The following CYFIP1 variants were observed in gnomAD, a reference collection of about 807,000 sequenced individuals.
CYFIP1 encodes cytoplasmic FMR1-interacting protein 1.
CYFIP1 carries 58 observed loss-of-function variants against 163.5 expected under a neutral mutation model. The ratio of observed to expected loss-of-function variants is 0.35; its 90% CI spans 0.29 to 0.44. The LOEUF is 0.44. Ranked by LOEUF, CYFIP1 falls within the 20% of genes least tolerant of loss-of-function variation. CYFIP1 has a pLI of 1.00. For missense variants in CYFIP1, 1,338 were observed against 1,653.8 expected (o/e 0.81, Z 3.31); for synonymous variants, 663 against 660.7 (o/e 1.00, Z -0.05).
Position 22,910,796 on chromosome 15 carries a change from G to C in CYFIP1, c.2100C>G (p.Asp700Glu), listed in dbSNP as rs1226067773. Residue 700 changes from aspartate to glutamate, a missense_variant, in exon 19 of 31, where the codon GAC becomes GAG. Physicochemically the swap from Asp to Glu is conservative, Grantham distance 45 (BLOSUM62 2). This residue lies in a region of CYFIP1 where 824 missense variants were observed against 995.7 expected (regional missense o/e 0.83). Coordinates refer to ENST00000617928, the MANE Select transcript of CYFIP1 (RefSeq NM_014608.6). Reference sequence around the variant, plus strand: ...GGTCTGCTAGCTTGTAAACAAATTGGTCAAAACATAGATTCACCTGAAGAA... The same window carrying C: ...GGTCTGCTAGCTTGTAAACAAATTGCTCAAAACATAGATTCACCTGAAGAA... Reference protein sequence around the residue: ...EIEAEVNLCFDQFVYKLADQI... With the variant: ...EIEAEVNLCFEQFVYKLADQI... 1 of 1,613,784 alleles carries C rather than the reference G, an allele frequency of 6.2e-7. No individual in the cohort carries two copies. Among genetic ancestry groups the C allele is most frequent in the Non-Finnish European group, 8.5e-7 (1 of 1,179,746 alleles).
At chr15:22,977,136 T>C (rs551364808) in intron 1 of CYFIP1, among the ~76,000 whole-genome samples, 1 of 151,640 alleles carries the variant, frequency 6.6e-6, no homozygotes, top group African/African-American at 2.4e-5. Context: ...GAGGCAGAGG[T>C]TGCGGTGGGC....
chr15:22,917,038 G>T lies in CYFIP1; in HGVS notation c.1675-408C>A. On this transcript the variant is annotated intron_variant, in intron 15 of 30. Coordinates refer to ENST00000617928, the MANE Select transcript of CYFIP1 (RefSeq NM_014608.6). The surrounding 1 kb of genome is among the most constrained non-coding windows in gnomAD (Gnocchi z 4.2). ...GTGCGCACCAGGTAGAGCTAGACAC[G>T]GACAGACAGGAGGGAGAGGCAGGAG... 6.5e-7 allele frequency: 1 copy of T among 1,531,042 alleles called. No homozygotes were observed. The highest frequency in any genetic ancestry group is 8.8e-7 in the Non-Finnish European group (1 of 1,137,332). The allele number at this position is 1,531,042 out of a possible 1,614,324, so 94.8% of individuals were successfully genotyped here. A position where few individuals can be genotyped will look rare whatever the true frequency, so the allele number is the denominator to read the frequency against.
chr15:22,881,705 T>TC, intron 25 of CYFIP1, 141 bp downstream of exon 25: 1 of 762,248 alleles, frequency 1.3e-6, no homozygotes, highest in East Asian at 2.7e-5. Flanking sequence ...CCAACACACC[T>TC]CTTCCTGGTT....
intron 6 of CYFIP1, among the ~76,000 whole-genome samples, chr15:22,940,588 G>T (rs551897070): frequency 6.6e-6 from 1 of 152,342 alleles, no homozygotes; most frequent in Non-Finnish European, 1.5e-5. Flanking sequence ...GTCCCGTAGA[G>T]CCTCGATCAG....
intron 30 of CYFIP1, among the ~76,000 whole-genome samples, chr15:22,871,104 G>A (rs999130061): frequency 3.3e-5 from 5 of 152,054 alleles, no homozygotes; most frequent in East Asian, 1.9e-4. Context: ...CGGCTAAAGC[G>A]GCCCTGAGTT....
chr15:22,955,739 C>T (rs1044974214), intron 1 of CYFIP1, among the ~76,000 whole-genome samples: 4 of 152,194 alleles, frequency 2.6e-5, no homozygotes, highest in East Asian at 1.9e-4. Context: ...TGCAAGCTCA[C>T]GGGCTCAGGG....
chr15:22,968,850 G>A (rs1267995045), intron 1 of CYFIP1, among the ~76,000 whole-genome samples: 4 of 152,186 alleles, frequency 2.6e-5, no homozygotes, highest in Non-Finnish European at 5.9e-5. Flanking sequence ...CACTGGTTTC[G>A]TGGAGACTGG....
intron 1 of CYFIP1, among the ~76,000 whole-genome samples, chr15:22,960,824 A>T (rs117399356): frequency 6.6e-6 from 1 of 152,118 alleles, no homozygotes; most frequent in African/African-American, 2.4e-5. Flanking sequence ...ACATCCCAGG[A>T]GGTTTCTTAG....
intron 1 of CYFIP1, among the ~76,000 whole-genome samples, chr15:22,951,944 G>T (rs1251047638): frequency 2.0e-5 from 3 of 152,174 alleles, no homozygotes; most frequent in Non-Finnish European, 2.9e-5. Flanking sequence ...AACGCAGCTT[G>T]TTGAACCCAT....
intron 11 of CYFIP1, among the ~76,000 whole-genome samples, chr15:22,928,818 A>G (rs192335661): frequency 2.6e-5 from 4 of 152,290 alleles, no homozygotes; most frequent in Admixed American, 1.3e-4. Context: ...TGCAATGCCT[A>G]GAAGTCAAAA....
At chr15:22,875,311 C>A (rs907103374) in intron 26 of CYFIP1, 40 bp from the exon 27 acceptor site, 1 of 1,578,870 alleles carries the variant, frequency 6.3e-7, no homozygotes, top group Non-Finnish European at 8.7e-7. Context: ...GGAAGGGTAT[C>A]TCGCCAGAGA....
intron 1 of CYFIP1, among the ~76,000 whole-genome samples, chr15:22,974,868 G>A (rs1239564806): frequency 2.0e-5 from 3 of 152,068 alleles, no homozygotes; most frequent in African/African-American, 4.8e-5. Context: ...ACTTTTTCCA[G>A]TAAAAGTTAC....
chr15:22,958,710 A>T (rs1266520211), intron 1 of CYFIP1, among the ~76,000 whole-genome samples: 18 of 151,780 alleles, frequency 1.2e-4, no homozygotes, highest in Admixed American at 1.2e-3. Flanking sequence ...CCAAACCTGC[A>T]CTCACCTCTG....
At chr15:22,898,152 C>T (rs147882326) in intron 22 of CYFIP1, among the ~76,000 whole-genome samples, 8 of 152,274 alleles carry the variant, frequency 5.3e-5, no homozygotes, top group Admixed American at 3.3e-4. Context: ...GCAAAAGGTC[C>T]GAGTCTGAAA....
chr15:22,975,170 T>C (rs1190595974), intron 1 of CYFIP1, among the ~76,000 whole-genome samples: 1 of 152,176 alleles, frequency 6.6e-6, no homozygotes, highest in Non-Finnish European at 1.5e-5. Flanking sequence ...ATCAACTGTT[T>C]ATGTTATCAG....
chr15:22,909,261 G>T lies in CYFIP1; in HGVS notation c.2321C>A (p.Ala774Glu). Residue 774 changes from alanine to glutamate, a missense_variant, in exon 21 of 31, where the codon GCA becomes GAA. Physicochemically the swap from Ala to Glu is moderately radical, Grantham distance 107 (BLOSUM62 -1). Around this residue, in one of 4 missense-constraint regions of CYFIP1, gnomAD observed 824 missense variants for 995.7 expected, o/e 0.83. Coordinates refer to ENST00000617928, the MANE Select transcript of CYFIP1 (RefSeq NM_014608.6). ...LNRLITQRVS[A>E]AMYKSLELAI... ...CAGTTCTAGGGACTTATACATGGCTGCTGAGACGCGCTGGGTGATCAGACG... is the reference window on the plus strand; with the variant it reads ...CAGTTCTAGGGACTTATACATGGCTTCTGAGACGCGCTGGGTGATCAGACG... 1 of 1,614,158 alleles carries T rather than the reference G, an allele frequency of 6.2e-7. No individual in the cohort carries two copies. The highest frequency in any genetic ancestry group is 1.1e-5 in the South Asian group (1 of 91,086).
intron 23 of CYFIP1, among the ~76,000 whole-genome samples, chr15:22,890,190 T>TAA (rs1433645266): frequency 1.9e-4 from 28 of 151,190 alleles, no homozygotes; most frequent in African/African-American, 6.8e-4. Context: ...CAGGCGCCTT[T>TAA]AATCCCAGCT....
At chr15:22,898,746 G>A (rs1454473137) in intron 22 of CYFIP1, among the ~76,000 whole-genome samples, 4 of 152,066 alleles carry the variant, frequency 2.6e-5, no homozygotes, top group African/African-American at 7.2e-5. Context: ...GCTCATGCCT[G>A]TAATCCCAGC....
At chr15:22,879,413 AAG>A (rs2059685246) in intron 26 of CYFIP1, among the ~76,000 whole-genome samples, 1 of 152,150 alleles carries the variant, frequency 6.6e-6, no homozygotes, top group Non-Finnish European at 1.5e-5. Context: ...GCCACGTCCT[AAG>A]AGGGGGTGGG....
Sources: gnomAD v4.1 joint callset for allele counts (sites outside exome capture counted in the v4.1 genomes callset) on GRCh38, gnomAD v4.1.1 for gene constraint, gnomAD v4.1.1 regional missense constraint, Gnocchi (gnomAD v3.1) non-coding constraint, MANE v1.5 for transcripts, NCBI Gene and HGNC (gene_info 2026-07-23, HGNC 2026-07-21) for gene names.